The following CLASP1 variants were observed in gnomAD, a reference collection of about 807,000 sequenced individuals.
CLASP1 encodes CLIP-associating protein 1.
In CLASP1, 38 loss-of-function variants were observed where a neutral mutation model predicts 192.3. The ratio of observed to expected loss-of-function variants is 0.20; its 90% CI spans 0.15 to 0.26. The LOEUF (loss-of-function observed/expected upper bound fraction) is 0.26, where lower values mean the gene tolerates loss of function less well. CLASP1 is among the 10% of genes least tolerant of loss of function. CLASP1 has a pLI of 1.00. For missense variants in CLASP1, 1,433 were observed against 1,932.5 expected (o/e 0.74, Z 4.85); for synonymous variants, 691 against 712.8 (o/e 0.97, Z 0.49).
At chr2:121,505,661 T>C (rs979197989) in intron 7 of CLASP1, among the ~76,000 whole-genome samples, 1 of 152,208 alleles carries the variant, frequency 6.6e-6, no homozygotes, top group African/African-American at 2.4e-5. Flanking sequence ...ACATAACTAA[T>C]GATTACCCTC....
At chr2:121,387,344 GTTT>G (rs911957870) in intron 31 of CLASP1, 116 bp from the exon 33 acceptor site, 11 of 656,644 alleles carry the variant, frequency 1.7e-5, no homozygotes, top group African/African-American at 1.5e-4. Flanking sequence ...GCCCAGGATG[GTTT>G]TTTTTTTCCC....
At chr2:121,510,312 G>T (rs1228559369) in intron 7 of CLASP1, among the ~76,000 whole-genome samples, 2 of 152,182 alleles carry the variant, frequency 1.3e-5, no homozygotes, top group East Asian at 3.8e-4. Flanking sequence ...AGACTGACCA[G>T]AAGAGCAAAG....
intron 20 of CLASP1, 75 bp downstream of exon 20, chr2:121,429,998 T>C (rs904888327): frequency 3.6e-6 from 4 of 1,121,418 alleles, no homozygotes; most frequent in Admixed American, 4.1e-5. Flanking sequence ...AATATAGAGA[T>C]TGTAAAATGT....
intron 8 of CLASP1, among the ~76,000 whole-genome samples, chr2:121,488,477 T>G (rs1020244813): frequency 1.3e-5 from 2 of 152,206 alleles, no homozygotes; most frequent in African/African-American, 4.8e-5. Flanking sequence ...GTGGCACTCA[T>G]ACCCAGTCTG....
At chr2:121,434,260 T>C (rs1029182301) in intron 19 of CLASP1, among the ~76,000 whole-genome samples, 3 of 152,110 alleles carry the variant, frequency 2.0e-5, no homozygotes, top group African/African-American at 4.8e-5. Context: ...TTCAAAAAAG[T>C]ATTATTTTTT....
At chr2:121,559,627 T>C (rs1316782936) in intron 2 of CLASP1, among the ~76,000 whole-genome samples, 2 of 151,928 alleles carry the variant, frequency 1.3e-5, no homozygotes, top group African/African-American at 4.8e-5. Context: ...ATATCTGGAA[T>C]AGAGACAGAA....
rs397769809 is a variant in CLASP1 at position 121,588,173 on chromosome 2, CAAAAAAAAAAA to C, written c.195+17517_195+17527del. 5.0e-3 allele frequency among the ~76,000 whole-genome samples: 306 copies of C among 61,076 alleles called. 4 individuals carry two copies. The highest frequency in any genetic ancestry group is 0.013 in the African/African-American group (281 of 21,318). 40.1% of individuals were successfully genotyped at this position (61,076 alleles called of 152,430 possible). On this transcript the variant is annotated intron_variant, in intron 2 of 39. Coordinates refer to ENST00000263710, the Ensembl canonical transcript of CLASP1. ...TGGATGACAGAACGAGACTCCGTCT[CAAAAAAAAAAA>C]AAAAAAAAAAAAAGCTGAACTTCAC...
chr2:121,561,380 TTC>T (rs2059073075), intron 2 of CLASP1, among the ~76,000 whole-genome samples: 1 of 152,238 alleles, frequency 6.6e-6, no homozygotes, highest in East Asian at 1.9e-4. Flanking sequence ...AAGCTTTCTT[TTC>T]TCTTACCTTA....
At chr2:121,610,344 G>C (rs530752363) in intron 1 of CLASP1, among the ~76,000 whole-genome samples, 29 of 149,568 alleles carry the variant, frequency 1.9e-4, no homozygotes, top group African/African-American at 5.2e-4. Flanking sequence ...AGGAGGAAGA[G>C]GAGCTGGAGG....
intron 2 of CLASP1, among the ~76,000 whole-genome samples, chr2:121,604,679 TACGA>T (rs1251107311): frequency 6.6e-6 from 1 of 152,082 alleles, no homozygotes; most frequent in East Asian, 1.9e-4. Flanking sequence ...AAAATAAATA[TACGA>T]AGACAGGTAG....
chr2:121,517,100 A>G (rs6747674), intron 6 of CLASP1, among the ~76,000 whole-genome samples: 32,148 of 152,284 alleles, frequency 0.21, 6,466 homozygotes, highest in African/African-American at 0.53. Flanking sequence ...CTGTATATGT[A>G]TGTATGTGTG....
At chr2:121,633,028 A>ATATATATATATATATATATATATATATGT (rs71398039) in intron 1 of CLASP1, among the ~76,000 whole-genome samples, 1 of 137,544 alleles carries the variant, frequency 7.3e-6, no homozygotes, top group Non-Finnish European at 1.5e-5. Context: ...ATATATATAT[A>ATATATATATATATATATATATATATATGT]GGCTTTTTTT....
At chr2:121,451,743 T>C (rs377079449) in intron 15 of CLASP1, 47 bp downstream of exon 15, 1 of 1,483,638 alleles carries the variant, frequency 6.7e-7, no homozygotes, top group Non-Finnish European at 9.2e-7. Flanking sequence ...GCATTCACTC[T>C]AAAGGCTCAA....
intron 6 of CLASP1, among the ~76,000 whole-genome samples, chr2:121,522,234 T>C (rs1266859674): frequency 1.3e-5 from 2 of 152,202 alleles, no homozygotes; most frequent in Non-Finnish European, 2.9e-5. Context: ...ATACTCTAGC[T>C]GTAAATCCTG....
intron 2 of CLASP1, among the ~76,000 whole-genome samples, chr2:121,585,045 G>A (rs891429652): frequency 7.2e-5 from 11 of 152,104 alleles, no homozygotes; most frequent in Admixed American, 5.2e-4. Flanking sequence ...TTACCCTCAC[G>A]ACAACCCTAT....
In CLASP1 at chr2:121,623,083, A is replaced by T. The variant is rs181415022; in HGVS notation, c.-285-16903T>A. ...TATAAACAATATCTATATATATATA[A>T]ATTTTAAAAAATTAAAGACTATATG... On this transcript the variant is annotated intron_variant, in intron 1 of 39. Coordinates refer to ENST00000263710, the Ensembl canonical transcript of CLASP1. Among the ~76,000 whole-genome samples, 44 of 152,092 alleles carry T rather than the reference A, an allele frequency of 2.9e-4. No homozygotes were observed. The East Asian group carries it at 8.3e-3, about 29-fold the overall frequency.
intron 9 of CLASP1, among the ~76,000 whole-genome samples, chr2:121,465,918 G>T (rs1251350679): frequency 6.6e-6 from 1 of 152,118 alleles, no homozygotes; most frequent in African/African-American, 2.4e-5. Flanking sequence ...CAAGCAATGG[G>T]GAAAGGATTC....
chr2:121,551,932 A>C (rs916136264), intron 2 of CLASP1, among the ~76,000 whole-genome samples: 1 of 152,192 alleles, frequency 6.6e-6, no homozygotes, highest in African/African-American at 2.4e-5. Context: ...AAGGCATCAC[A>C]TTACCTGAGT....
Position 121,433,088 on chromosome 2 carries a change from AAGGTGAGCGGATCACCTGAGGTC to A in CLASP1, c.1913-2934_1913-2912del, listed in dbSNP as rs2081717239. Among the ~76,000 whole-genome samples the A allele has an allele frequency of 5.3e-5, 8 of 151,700 alleles. No individual in the cohort carries two copies. In the South Asian group the frequency reaches 1.7e-3, roughly 32 times the overall value. On this transcript the variant is annotated intron_variant, in intron 19 of 39. Coordinates refer to ENST00000263710, the Ensembl canonical transcript of CLASP1. ...TGTAATCCCAGCACTTTAGGAGGCC[AAGGTGAGCGGATCACCTGAGGTC>A]AGGAGCTCGAGACTAGCCTGGCCAA... is the stretch of plus-strand genomic sequence containing the variant.
Sources: allele counts gnomAD v4.1 joint callset (sites outside exome capture counted in the v4.1 genomes callset), GRCh38; gene constraint gnomAD v4.1.1; transcripts MANE v1.5; gene names NCBI Gene and HGNC (gene_info 2026-07-23, HGNC 2026-07-21).